The following NELL2 variants were observed in gnomAD, a reference collection of about 807,000 sequenced individuals.
NELL2 encodes the protein protein kinase C-binding protein NELL2.
A neutral mutation model predicts 109.6 loss-of-function variants in NELL2; 41 were observed. The ratio of observed to expected loss-of-function variants is 0.37; its 90% CI spans 0.29 to 0.49. The LOEUF (loss-of-function observed/expected upper bound fraction) is 0.49. NELL2 is among the 20% of genes least tolerant of loss of function. The pLI is 0.98. For synonymous variants in NELL2, 355 were observed against 344.7 expected, an observed-to-expected ratio of 1.03 and a Z score of -0.33; for missense variants, 900 against 1,008.3, an observed-to-expected ratio of 0.89 and a Z score of 1.45.
chr12:44,631,819 A>G (rs1946466402), intron 13 of NELL2, among the ~76,000 whole-genome samples: 1 of 152,124 alleles, frequency 6.6e-6, no homozygotes, highest in South Asian at 2.1e-4. Context: ...CCATTTCTCA[A>G]CTTATTCTGT....
intron 9 of NELL2, among the ~76,000 whole-genome samples, chr12:44,771,266 A>T (rs1244914298): frequency 1.3e-5 from 2 of 152,106 alleles, no homozygotes; most frequent in East Asian, 3.9e-4. Context: ...CTCAACCAGG[A>T]TTCCAAAACA....
intron 2 of NELL2, among the ~76,000 whole-genome samples, chr12:44,843,286 A>G (rs1666403481): frequency 6.6e-6 from 1 of 152,204 alleles, no homozygotes; most frequent in African/African-American, 2.4e-5. Context: ...TTGGAATGGC[A>G]AATAAATACA....
At chr12:44,563,788 T>C (rs1306753742) in intron 15 of NELL2, among the ~76,000 whole-genome samples, 1 of 152,170 alleles carries the variant, frequency 6.6e-6, no homozygotes, top group Admixed American at 6.5e-5. Flanking sequence ...ATTTTAGACT[T>C]GTTAAATAAA....
chr12:44,718,800 G>T (rs1938618474), intron 9 of NELL2, among the ~76,000 whole-genome samples: 1 of 152,140 alleles, frequency 6.6e-6, no homozygotes, highest in African/African-American at 2.4e-5. Context: ...ACAGCTACTT[G>T]TTAGTTATTA....
chr12:44,721,926 G>C (rs1328199125), intron 9 of NELL2, among the ~76,000 whole-genome samples: 1 of 152,020 alleles, frequency 6.6e-6, no homozygotes, highest in East Asian at 1.9e-4. Flanking sequence ...TGCAAAGAAT[G>C]TGGGCCAAGA....
intron 13 of NELL2, among the ~76,000 whole-genome samples, chr12:44,636,340 G>C (rs1169492128): frequency 6.6e-6 from 1 of 152,166 alleles, no homozygotes; most frequent in Non-Finnish European, 1.5e-5. Flanking sequence ...AGTGATGAGA[G>C]AGGGCATCCT....
intron 15 of NELL2, among the ~76,000 whole-genome samples, chr12:44,596,238 G>A (rs1944957468): frequency 6.6e-6 from 1 of 152,136 alleles, no homozygotes; most frequent in African/African-American, 2.4e-5. Context: ...AATCTTTAAT[G>A]TGGATAATTT....
intron 12 of NELL2, among the ~76,000 whole-genome samples, chr12:44,681,035 T>C (rs1267153304): frequency 6.6e-6 from 1 of 151,606 alleles, no homozygotes; most frequent in Non-Finnish European, 1.5e-5. Flanking sequence ...ACCAAATCCA[T>C]TTTATTTATT....
intron 15 of NELL2, among the ~76,000 whole-genome samples, chr12:44,587,477 T>C (rs1041903324): frequency 1.3e-5 from 2 of 151,766 alleles, no homozygotes; most frequent in African/African-American, 2.4e-5. Flanking sequence ...TTATTTCATA[T>C]GTATTTTCAT....
At chr12:44,782,681 T>A (rs1156440324) in intron 3 of NELL2, among the ~76,000 whole-genome samples, 1 of 151,734 alleles carries the variant, frequency 6.6e-6, no homozygotes, top group East Asian at 1.9e-4. Flanking sequence ...AAAAAATCAA[T>A]CCATTAAGAA....
intron 13 of NELL2, among the ~76,000 whole-genome samples, chr12:44,652,827 G>A (rs1947349563): frequency 6.6e-6 from 1 of 152,214 alleles, no homozygotes; most frequent in Non-Finnish European, 1.5e-5. Flanking sequence ...GGAGGCTCTA[G>A]TGGTGAATCT....
At chr12:44,674,221 GC>G in intron 12 of NELL2, among the ~76,000 whole-genome samples, 1 of 152,052 alleles carries the variant, frequency 6.6e-6, no homozygotes, top group Non-Finnish European at 1.5e-5. Context: ...TTCTGACTCT[GC>G]CCCCTCCTAC....
rs370127766 is a variant in NELL2 at position 44,902,114 on chromosome 12, T to C, written c.38+11685A>G. 4.6e-5 allele frequency among the ~76,000 whole-genome samples: 7 copies of C among 152,308 alleles called. No homozygotes were observed. In the East Asian group the frequency reaches 1.2e-3, roughly 25 times the overall value. On this transcript the variant is annotated intron_variant, in intron 1 of 20. Transcript: ENST00000333837. ...TAGGAAGACAGGAAGTCAAATTGTC[T>C]CTGTTTGCAGATGACATGATTGTAT...
At chr12:44,790,308 T>G (rs1220912179) in intron 3 of NELL2, among the ~76,000 whole-genome samples, 1 of 152,138 alleles carries the variant, frequency 6.6e-6, no homozygotes, top group African/African-American at 2.4e-5. Flanking sequence ...TAGAAGGGAT[T>G]GGGACCCTAT....
At chr12:44,550,418 T>G (rs1413851033) in intron 15 of NELL2, among the ~76,000 whole-genome samples, 2 of 150,982 alleles carry the variant, frequency 1.3e-5, no homozygotes, top group African/African-American at 4.9e-5. Flanking sequence ...AGGCTAATTT[T>G]TTTTTTTTTG....
chr12:44,523,134 G>T, intron 17 of NELL2, 157 bp downstream of exon 17: 2 of 760,008 alleles, frequency 2.6e-6, no homozygotes, highest in Non-Finnish European at 4.2e-6. Context: ...AAGAACATAG[G>T]CAACATTTGG....
intron 15 of NELL2, among the ~76,000 whole-genome samples, chr12:44,586,217 A>T (rs1004225973): frequency 2.0e-5 from 3 of 148,552 alleles, no homozygotes; most frequent in African/African-American, 7.3e-5. Context: ...ATATATAATC[A>T]TATATATCTA....
chr12:44,836,315 C>T (rs1215558351), intron 2 of NELL2, among the ~76,000 whole-genome samples: 2 of 152,204 alleles, frequency 1.3e-5, no homozygotes. Context: ...CTGTCCTTGT[C>T]AGAACTGGCT....
At chr12:44,903,632 C>G (rs1344594230) in intron 1 of NELL2, among the ~76,000 whole-genome samples, 1 of 152,084 alleles carries the variant, frequency 6.6e-6, no homozygotes, top group Non-Finnish European at 1.5e-5. Context: ...AGACTTGGAA[C>G]CAACCCAGAT....
Sources: allele counts gnomAD v4.1 joint callset (sites outside exome capture counted in the v4.1 genomes callset), GRCh38; gene constraint gnomAD v4.1.1; transcripts MANE v1.5; gene names NCBI Gene and HGNC (gene_info 2026-07-23, HGNC 2026-07-21).